Variants in CD163L1 observed in about 807,000 individuals in gnomAD.
CD163L1 encodes scavenger receptor cysteine-rich type 1 protein M160.
In CD163L1, 124 loss-of-function variants were observed where a neutral mutation model predicts 165.4. The ratio of observed to expected loss-of-function variants is 0.75; its 90% CI spans 0.65 to 0.87. The LOEUF (loss-of-function observed/expected upper bound fraction) is 0.87. CD163L1 is among the 40% of genes least tolerant of loss of function. The pLI is 0.00. For missense variants in CD163L1, 1,525 were observed against 1,799.9 expected (o/e 0.85, Z 2.76); for synonymous variants, 585 against 662.2 (o/e 0.88, Z 1.79).
intron 4 of CD163L1, among the ~76,000 whole-genome samples, chr12:7,430,480 C>T (rs755633480): frequency 2.0e-4 from 30 of 152,240 alleles, no homozygotes; most frequent in Non-Finnish European, 2.6e-4. Context: ...TCCACCTCTC[C>T]GAGTTTCTAA....
chr12:7,378,388 T>C (rs1947315992), intron 9 of CD163L1, among the ~76,000 whole-genome samples: 1 of 152,106 alleles, frequency 6.6e-6, no homozygotes, highest in Admixed American at 6.6e-5. Flanking sequence ...CAGAGTGCTG[T>C]CTTTGAAATG....
At position 7,368,256 on chromosome 12, in the gene CD163L1, T is replaced by C; in HGVS notation, c.4073-59A>G. On this transcript the variant is annotated intron_variant, in intron 16 of 19. Coordinates refer to ENST00000313599, the MANE Select transcript of CD163L1 (RefSeq NM_174941.6). The surrounding 1 kb of genome is among the most constrained non-coding windows in gnomAD (Gnocchi z 4.3). ...CTAGTAGATATCAATTGTGGGTTTA[T>C]ACATTGTAAAAAAAACTGGTTCCCT... The C allele has an allele frequency of 6.2e-6, 6 of 961,374 alleles. No individual in the cohort carries two copies. In the Admixed American group the frequency reaches 9.0e-5, roughly 14 times the overall value. The allele number at this position is 961,374 out of a possible 1,614,324, so 59.6% of individuals were successfully genotyped here. A position where few individuals can be genotyped will look rare whatever the true frequency, so the allele number is the denominator to read the frequency against.
downstream of CD163L1, among the ~76,000 whole-genome samples, chr12:7,344,290 A>C (rs1946655229): frequency 6.6e-6 from 1 of 151,248 alleles, no homozygotes; most frequent in Non-Finnish European, 1.5e-5. Flanking sequence ...CTGGTCTCTA[A>C]CTCCTCCTCT....
chr12:7,393,471 G>T (rs1269980724), intron 8 of CD163L1, among the ~76,000 whole-genome samples: 2 of 152,266 alleles, frequency 1.3e-5, no homozygotes, highest in African/African-American at 2.4e-5. Context: ...ATATCATACT[G>T]AATGGGCAAA....
the CD163L1 span, among the ~76,000 whole-genome samples, chr12:7,332,827 A>T: frequency 6.6e-6 from 1 of 152,210 alleles, no homozygotes; most frequent in Non-Finnish European, 1.5e-5. Flanking sequence ...CACTGCAAAA[A>T]CATGCCAAAT....
chr12:7,387,093 A>G (rs1947536320), intron 8 of CD163L1, among the ~76,000 whole-genome samples: 1 of 152,316 alleles, frequency 6.6e-6, no homozygotes, highest in East Asian at 1.9e-4. Context: ...CTCCATAAAA[A>G]TCTCTTAGAA....
Sources: gnomAD v4.1 joint callset for allele counts (sites outside exome capture counted in the v4.1 genomes callset) on GRCh38, gnomAD v4.1.1 for gene constraint, Gnocchi (gnomAD v3.1) non-coding constraint, MANE v1.5 for transcripts, NCBI Gene and HGNC (gene_info 2026-07-23, HGNC 2026-07-21) for gene names.